ADAMTS16: variants seen among roughly 807,000 people sequenced by gnomAD.
ADAMTS16 encodes A disintegrin and metalloproteinase with thrombospondin motifs 16.
ADAMTS16 carries 94 observed loss-of-function variants against 145.8 expected under a neutral mutation model. That is an observed-to-expected ratio of 0.64 (90% CI 0.55 to 0.77). The LOEUF is 0.77. Among genes scored for constraint, ADAMTS16 ranks in the 30% least tolerant of loss-of-function variants. The pLI, the probability that ADAMTS16 is intolerant of heterozygous loss-of-function variation, is 0.00. For missense variants in ADAMTS16, 1,585 were observed against 1,591.5 expected (o/e 1.00, Z 0.07); for synonymous variants, 659 against 604.3 (o/e 1.09, Z -1.33).
chr5:5,276,058 C>T (rs1738679374), intron 18 of ADAMTS16, among the ~76,000 whole-genome samples: 1 of 152,042 alleles, frequency 6.6e-6, no homozygotes, highest in Non-Finnish European at 1.5e-5. Context: ...GGGGTTTTGC[C>T]ATGTTGGTCA....
At chr5:5,244,184 T>A (rs1191390551) in intron 17 of ADAMTS16, among the ~76,000 whole-genome samples, 2 of 152,150 alleles carry the variant, frequency 1.3e-5, no homozygotes, top group Admixed American at 1.3e-4. Context: ...GTGTGTATCA[T>A]TAGGAAGGGG....
intron 4 of ADAMTS16, among the ~76,000 whole-genome samples, chr5:5,184,349 C>T (rs1735438160): frequency 6.6e-6 from 1 of 152,018 alleles, no homozygotes; most frequent in African/African-American, 2.4e-5. Flanking sequence ...GTCACCGATG[C>T]ATGGATGTAC....
At chr5:5,188,861 C>T (rs1735581347) in intron 6 of ADAMTS16, among the ~76,000 whole-genome samples, 1 of 152,074 alleles carries the variant, frequency 6.6e-6, no homozygotes, top group Non-Finnish European at 1.5e-5. Context: ...CCGGGCTTCT[C>T]AGGTGACAGG....
At chr5:5,286,857 CAAAAA>C (rs1158555676) in intron 18 of ADAMTS16, among the ~76,000 whole-genome samples, 3 of 22,136 alleles carry the variant, frequency 1.4e-4, no homozygotes, top group Admixed American at 9.5e-4. Flanking sequence ...GACTCCGTCT[CAAAAA>C]AAAAAAAAAA....
At chr5:5,190,705 G>A (rs967225628) in intron 7 of ADAMTS16, among the ~76,000 whole-genome samples, 5 of 152,102 alleles carry the variant, frequency 3.3e-5, no homozygotes, top group Admixed American at 3.3e-4. Flanking sequence ...TAGGGAGGAA[G>A]GGTTTTTGTT....
At chr5:5,279,099 C>G (rs1372547997) in intron 18 of ADAMTS16, among the ~76,000 whole-genome samples, 1 of 152,156 alleles carries the variant, frequency 6.6e-6, no homozygotes, top group African/African-American at 2.4e-5. Context: ...CCCTTTTTCC[C>G]TGCACTCCTC....
intron 3 of ADAMTS16, among the ~76,000 whole-genome samples, chr5:5,149,737 C>T (rs72739701): frequency 1.3e-5 from 2 of 152,190 alleles, no homozygotes; most frequent in South Asian, 4.1e-4. Context: ...CTAATTTCCC[C>T]ATTCCCATCC....
chr5:5,174,105 T>C (rs931548144), intron 3 of ADAMTS16, among the ~76,000 whole-genome samples: 1 of 152,228 alleles, frequency 6.6e-6, no homozygotes, highest in Admixed American at 6.5e-5. Flanking sequence ...ACTGAAGAAT[T>C]CTCTTTATCA....
intron 17 of ADAMTS16, among the ~76,000 whole-genome samples, chr5:5,259,988 C>T (rs891061163): frequency 1.3e-5 from 2 of 152,206 alleles, no homozygotes; most frequent in African/African-American, 4.8e-5. Flanking sequence ...AATCCCAAAT[C>T]CATCTTTGAT....
chr5:5,150,069 C>T (rs1051205657), intron 3 of ADAMTS16, among the ~76,000 whole-genome samples: 2 of 152,134 alleles, frequency 1.3e-5, no homozygotes, highest in Admixed American at 6.5e-5. Context: ...ATTTCTGGGA[C>T]ATATGGAAAC....
At chr5:5,262,554 T>C in intron 17 of ADAMTS16, 103 bp from the exon 18 acceptor site, 1 of 1,485,772 alleles carries the variant, frequency 6.7e-7, no homozygotes, top group Non-Finnish European at 9.0e-7. Context: ...CACATGCCAG[T>C]ATGGCTAAGA....
intron 10 of ADAMTS16, among the ~76,000 whole-genome samples, chr5:5,218,196 G>C (rs1046131619): frequency 6.6e-6 from 1 of 152,182 alleles, no homozygotes; most frequent in Admixed American, 6.5e-5. Flanking sequence ...TTGGTTTTTG[G>C]CTGCTCATTT....
intron 18 of ADAMTS16, among the ~76,000 whole-genome samples, chr5:5,273,672 G>A (rs747004904): frequency 7.9e-5 from 12 of 152,330 alleles, no homozygotes; most frequent in East Asian, 1.9e-4. Flanking sequence ...ACACCTTACT[G>A]TGTCTCCCCT....
At chr5:5,318,874 C>T (rs878902955) in intron 22 of ADAMTS16, 149 bp from the exon 23 acceptor site, 35 of 609,544 alleles carry the variant, frequency 5.7e-5, no homozygotes, top group Admixed American at 8.6e-5. Context: ...ATAGGTTCCA[C>T]GGGACCCCCA....
chr5:5,185,258 C>G (rs761871577), intron 4 of ADAMTS16, among the ~76,000 whole-genome samples: 1 of 152,162 alleles, frequency 6.6e-6, no homozygotes, highest in Non-Finnish European at 1.5e-5. Flanking sequence ...ACAGTATGCT[C>G]CGTGAATACA....
chr5:5,194,740 A>G (rs977440426), intron 8 of ADAMTS16, among the ~76,000 whole-genome samples: 1 of 152,252 alleles, frequency 6.6e-6, no homozygotes, highest in Non-Finnish European at 1.5e-5. Flanking sequence ...AGTTTGATGC[A>G]TGGAGCAAAC....
At chr5:5,289,614 G>A (rs1259963267) in intron 18 of ADAMTS16, among the ~76,000 whole-genome samples, 1 of 152,216 alleles carries the variant, frequency 6.6e-6, no homozygotes, top group Non-Finnish European at 1.5e-5. Flanking sequence ...GATATGTCCA[G>A]TTCGATTATT....
intron 18 of ADAMTS16, among the ~76,000 whole-genome samples, chr5:5,277,884 A>C (rs1160951098): frequency 1.3e-5 from 2 of 152,148 alleles, no homozygotes; most frequent in Non-Finnish European, 2.9e-5. Context: ...CAGGAGGCTG[A>C]GGCAGGAGGA....
At chr5:5,240,673 G>A (rs747041308) in intron 16 of ADAMTS16, among the ~76,000 whole-genome samples, 4 of 152,118 alleles carry the variant, frequency 2.6e-5, no homozygotes, top group East Asian at 1.9e-4. Flanking sequence ...GGGACAGGCC[G>A]CCCTATCCCA....
Sources: gnomAD v4.1 joint callset for allele counts (sites outside exome capture counted in the v4.1 genomes callset) on GRCh38, gnomAD v4.1.1 for gene constraint, MANE v1.5 for transcripts, NCBI Gene and HGNC (gene_info 2026-07-23, HGNC 2026-07-21) for gene names.